XKR6: variants seen among roughly 807,000 people sequenced by gnomAD.
XKR6 encodes XK-related protein 6.
In XKR6, 22 loss-of-function variants were observed where a neutral mutation model predicts 56.7. The ratio of observed to expected loss-of-function variants is 0.39; its 90% CI spans 0.28 to 0.55. The LOEUF (loss-of-function observed/expected upper bound fraction) is 0.55. Ranked by LOEUF, XKR6 falls within the 20% of genes least tolerant of loss-of-function variation. XKR6 has a pLI of 0.66. For missense variants in XKR6, 852 were observed against 889.0 expected, an observed-to-expected ratio of 0.96 and a Z score of 0.53; for synonymous variants, 524 against 387.8, an observed-to-expected ratio of 1.35 and a Z score of -4.13.
At chr8:11,111,967 T>G (rs904034276) in intron 1 of XKR6, 6 of 152,228 alleles carry the variant, frequency 3.9e-5, no homozygotes, top group Admixed American at 3.9e-4. Flanking sequence ...TAATTACTTT[T>G]ATAATTTTCA....
intron 2 of XKR6, among the ~76,000 whole-genome samples, chr8:10,917,068 G>A (rs1800582887): frequency 7.9e-6 from 1 of 127,020 alleles, no homozygotes; most frequent in South Asian, 2.5e-4. Flanking sequence ...TCTTAGCAAA[G>A]ATGCTTTTTT....
intron 1 of XKR6, among the ~76,000 whole-genome samples, chr8:11,124,997 G>A (rs1481493090): frequency 6.6e-6 from 1 of 150,606 alleles, no homozygotes; most frequent in Non-Finnish European, 1.5e-5. Context: ...GCTGAGGCAG[G>A]AGAATGGCGT....
rs78386364 is a variant in XKR6 at position 11,060,735 on chromosome 8, G to T, written c.765-135905C>A. On this transcript the variant is annotated intron_variant, in intron 1 of 2. Transcript: ENST00000416569. ...CTAGGCGCCAAATGCTGAGTTTGGTGTTTCTCTGGCAATTCATCCAATAAA... is the reference window on the plus strand; with the variant it reads ...CTAGGCGCCAAATGCTGAGTTTGGTTTTTCTCTGGCAATTCATCCAATAAA... Among the ~76,000 whole-genome samples the T allele has an allele frequency of 2.6e-3, 398 of 152,326 alleles. 2 individuals carry two copies. Among genetic ancestry groups the T allele is most frequent in the African/African-American group, 9.4e-3 (390 of 41,562 alleles).
In XKR6 at chr8:10,898,312, C is replaced by T. The variant is rs773784661; in HGVS notation, c.1566G>A (p.Leu522=). 1.2e-6 allele frequency: 2 copies of T among 1,613,850 alleles called. No individual in the cohort carries two copies. Among genetic ancestry groups the T allele is most frequent in the East Asian group, 2.2e-5 (1 of 44,868 alleles). ...GCGCCATGGGCTCAACATCGGGGGG[C>T]AAAGGGATGCCCCAGAGCAGCTCGG... ...CCAELLWGIP[L]PPDVEPMAPE... Residue 522 remains leucine, a synonymous_variant, in exon 3 of 3, where the codon TTG becomes TTA. Coordinates refer to ENST00000416569, the MANE Select transcript of XKR6 (RefSeq NM_173683.4). The surrounding 1 kb of genome is among the most constrained non-coding windows in gnomAD (Gnocchi z 6.6).
intron 1 of XKR6, among the ~76,000 whole-genome samples, chr8:10,955,490 T>C (rs1425140493): frequency 6.6e-6 from 1 of 152,182 alleles, no homozygotes; most frequent in Non-Finnish European, 1.5e-5. Context: ...CTCTCTGCCT[T>C]TTCAAGGTAA....
chr8:10,972,474 C>A (rs1207778914), intron 1 of XKR6, among the ~76,000 whole-genome samples: 1 of 152,222 alleles, frequency 6.6e-6, no homozygotes, highest in East Asian at 1.9e-4. Flanking sequence ...CTAATGGGCA[C>A]TCCCGACTGA....
intron 1 of XKR6, among the ~76,000 whole-genome samples, chr8:11,030,335 G>A (rs1798963905): frequency 6.6e-6 from 1 of 152,192 alleles, no homozygotes; most frequent in Non-Finnish European, 1.5e-5. Context: ...TGCACAGATT[G>A]AGAATGTACA....
chr8:10,947,020 G>A (rs1400753279), intron 1 of XKR6, among the ~76,000 whole-genome samples: 1 of 152,150 alleles, frequency 6.6e-6, no homozygotes, highest in Admixed American at 6.5e-5. Flanking sequence ...AAAGGGCCTT[G>A]GGAGCACAGA....
intron 1 of XKR6, among the ~76,000 whole-genome samples, chr8:11,154,079 C>G (rs532870054): frequency 6.6e-6 from 1 of 152,256 alleles, no homozygotes; most frequent in African/African-American, 2.4e-5. Flanking sequence ...TTGCCCTCGG[C>G]TAGTGGGAGG....
intron 1 of XKR6, among the ~76,000 whole-genome samples, chr8:11,040,592 A>G (rs112421306): frequency 6.6e-6 from 1 of 152,138 alleles, no homozygotes; most frequent in Non-Finnish European, 1.5e-5. Context: ...TTCATTTCTC[A>G]GTTCTGAAGG....
In XKR6 at chr8:11,002,063, G is replaced by GT. The variant is rs1296771173; in HGVS notation, c.765-77234dup. On this transcript the variant is annotated intron_variant, in intron 1 of 2. Coordinates refer to ENST00000416569, the MANE Select transcript of XKR6 (RefSeq NM_173683.4). The stretch of plus-strand genomic sequence containing the variant: ...ACAAATCCATGTCGTTACCATGTGA[G>GT]TTAAAAAAAAAAAAAAAACACACAA... 2.1e-3 allele frequency among the ~76,000 whole-genome samples: 250 copies of GT among 116,410 alleles called. 1 individual carries two copies. Among genetic ancestry groups the GT allele is most frequent in the African/African-American group, 0.011 (241 of 22,550 alleles). 76.4% of individuals were successfully genotyped at this position (116,410 alleles called of 152,430 possible). A position where few individuals can be genotyped will look rare whatever the true frequency, so the allele number is the denominator to read the frequency against.
At chr8:11,149,367 C>T (rs1343470499) in intron 1 of XKR6, among the ~76,000 whole-genome samples, 1 of 152,068 alleles carries the variant, frequency 6.6e-6, no homozygotes, top group Non-Finnish European at 1.5e-5. Context: ...AAAAAAAGTA[C>T]AGTAAAAATA....
chr8:10,900,405 G>A (rs1220593430), intron 2 of XKR6, among the ~76,000 whole-genome samples: 1 of 152,146 alleles, frequency 6.6e-6, no homozygotes, highest in Non-Finnish European at 1.5e-5. Context: ...CACTGGCTCT[G>A]CGTCACCCGT....
At chr8:10,941,868 A>G (rs1801395122) in intron 1 of XKR6, among the ~76,000 whole-genome samples, 1 of 152,224 alleles carries the variant, frequency 6.6e-6, no homozygotes, top group Non-Finnish European at 1.5e-5. Context: ...AGCAGCACAT[A>G]GAACCCCAAC....
rs1268128634 is a variant in XKR6 at position 11,200,953 on chromosome 8, G to A, written c.387C>T (p.Cys129=). 6.3e-7 allele frequency: 1 copy of A among 1,583,550 alleles called. No homozygotes were observed. Among genetic ancestry groups the A allele is most frequent in the Non-Finnish European group, 8.5e-7 (1 of 1,170,474 alleles). ...CCAGCAGCGCCAGCACGATCCACAG[G>A]CAGTCGAGCCACGGCCGCTCCACCT... The part of the protein sequence containing the change: ...PPQVERPWLD[C]LWIVLALLVF... The change falls in exon 1 of 3, where the codon TGC becomes TGT. Residue 129 remains cysteine, a synonymous_variant. Transcript: ENST00000416569. This position sits in a 1 kb window ranked among gnomAD's most constrained non-coding sequence, Gnocchi z 6.4.
At chr8:11,198,919 C>T (rs917802188) in intron 1 of XKR6, among the ~76,000 whole-genome samples, 49 of 143,358 alleles carry the variant, frequency 3.4e-4, no homozygotes, top group African/African-American at 1.1e-3. Context: ...AGCCCCCGCC[C>T]AAAAAAAAAA....
intron 1 of XKR6, among the ~76,000 whole-genome samples, chr8:11,051,634 A>C (rs1799550740): frequency 1.3e-5 from 2 of 152,160 alleles, no homozygotes; most frequent in Admixed American, 1.3e-4. Flanking sequence ...GTATGTCTGC[A>C]TCTGCCGGCT....
intron 1 of XKR6, among the ~76,000 whole-genome samples, chr8:10,948,331 G>A (rs933292601): frequency 1.3e-5 from 2 of 152,154 alleles, no homozygotes; most frequent in African/African-American, 4.8e-5. Flanking sequence ...GCAGCTGTTG[G>A]TCCTGTGGAA....
chr8:11,146,060 A>C (rs1800966862), intron 1 of XKR6, among the ~76,000 whole-genome samples: 1 of 152,194 alleles, frequency 6.6e-6, no homozygotes, highest in Non-Finnish European at 1.5e-5. Context: ...ACTTTTGATA[A>C]AGGGGCAAGG....
Sources: allele counts gnomAD v4.1 joint callset (sites outside exome capture counted in the v4.1 genomes callset), GRCh38; gene constraint gnomAD v4.1.1; non-coding constraint Gnocchi (gnomAD v3.1); transcripts MANE v1.5; gene names NCBI Gene and HGNC (gene_info 2026-07-23, HGNC 2026-07-21).